PPM1H: variants seen among roughly 807,000 people sequenced by gnomAD.
PPM1H encodes the protein protein phosphatase, Mg2+/Mn2+ dependent 1H, also known as protein phosphatase 1H.
PPM1H carries 27 observed loss-of-function variants against 54.9 expected under a neutral mutation model. That is an observed-to-expected ratio of 0.49 (90% confidence interval 0.36 to 0.68). The LOEUF is 0.68. Ranked by LOEUF, PPM1H falls within the 30% of genes least tolerant of loss-of-function variation. PPM1H has a pLI of 0.00. For synonymous variants in PPM1H, 305 were observed against 270.8 expected (o/e 1.13, Z -1.24); for missense variants, 596 against 667.8 (o/e 0.89, Z 1.19).
intron 1 of PPM1H, among the ~76,000 whole-genome samples, chr12:62,932,297 C>T (rs1452193805): frequency 6.6e-6 from 1 of 152,136 alleles, no homozygotes; most frequent in Non-Finnish European, 1.5e-5. Context: ...AGCACTCTCT[C>T]ATGCGTGTCT....
At chr12:62,686,451 T>C (rs7955030) in intron 8 of PPM1H, among the ~76,000 whole-genome samples, 23,464 of 152,150 alleles carry the variant, frequency 0.15, 2,694 homozygotes, top group African/African-American at 0.32. Flanking sequence ...AATGCCTCTC[T>C]TGTAAGGGGG....
At chr12:62,905,661 G>T (rs1460631223) in intron 1 of PPM1H, among the ~76,000 whole-genome samples, 1 of 152,020 alleles carries the variant, frequency 6.6e-6, no homozygotes, top group Non-Finnish European at 1.5e-5. Context: ...ACTAGTCCTC[G>T]GTAAGACAGA....
chr12:62,768,313 T>G lies in PPM1H; in HGVS notation c.869+19913A>C, dbSNP rs140965928. On this transcript the variant is annotated intron_variant, in intron 4 of 9. Transcript: ENST00000228705. Reference sequence around the variant, plus strand: ...CATTGGGACAGAATTGAGGCTATCATGAGGGGGAAATGCAGCCAGGGAATG... The same window carrying G: ...CATTGGGACAGAATTGAGGCTATCAGGAGGGGGAAATGCAGCCAGGGAATG... Among the ~76,000 whole-genome samples, 287 of 152,046 alleles carry G rather than the reference T, an allele frequency of 1.9e-3. 1 individual carries two copies. The highest frequency in any genetic ancestry group is 6.7e-3 in the African/African-American group (278 of 41,478).
chr12:62,838,783 T>C (rs1418515721), intron 1 of PPM1H, among the ~76,000 whole-genome samples: 2 of 130,868 alleles, frequency 1.5e-5, no homozygotes, highest in East Asian at 2.2e-4. Context: ...TAGCCGGGCG[T>C]AGTGGCGGGC....
intron 4 of PPM1H, among the ~76,000 whole-genome samples, chr12:62,772,827 G>A (rs901178571): frequency 3.3e-5 from 5 of 152,146 alleles, no homozygotes; most frequent in Admixed American, 6.5e-5. Context: ...CAGTAGTAGC[G>A]GGAGGCGCCA....
In PPM1H at chr12:62,916,451, TTAAGTC is replaced by T. The variant is rs1871625208; in HGVS notation, c.245+18035_245+18040del. ...AATGTTAGGTAGAGATGGTTCATCT[TTAAGTC>T]TATAAGTACCTAACCAATGATATTT... On this transcript the variant is annotated intron_variant, in intron 1 of 9. Coordinates refer to ENST00000228705, the MANE Select transcript of PPM1H (RefSeq NM_020700.2). Among the ~76,000 whole-genome samples the T allele has an allele frequency of 2.0e-5, 3 of 152,316 alleles. No individual in the cohort carries two copies. In the South Asian group the frequency reaches 6.2e-4, roughly 32 times the overall value.
chr12:62,922,983 C>G (rs1043738056), intron 1 of PPM1H, among the ~76,000 whole-genome samples: 15 of 152,100 alleles, frequency 9.9e-5, no homozygotes, highest in African/African-American at 3.6e-4. Context: ...CCAGTTTGAC[C>G]CCATGTGAAG....
At chr12:62,855,284 C>T (rs1315464395) in intron 1 of PPM1H, among the ~76,000 whole-genome samples, 4 of 152,070 alleles carry the variant, frequency 2.6e-5, no homozygotes, top group Non-Finnish European at 5.9e-5. Context: ...CTGCTCCAAG[C>T]GACACAGACT....
In PPM1H at chr12:62,927,586, C is replaced by G. The variant is rs529693185; in HGVS notation, c.245+6906G>C. 4.0e-5 allele frequency among the ~76,000 whole-genome samples: 6 copies of G among 150,682 alleles called. No homozygotes were observed. In the South Asian group the frequency reaches 8.4e-4, roughly 21 times the overall value. ...CTGAGGCAGGAGAATCACTTGAACC[C>G]AGGAGGCAGAGGTTGCAGTAAGCCG... On this transcript the variant is annotated intron_variant, in intron 1 of 9. Transcript: ENST00000228705.
At chr12:62,887,041 C>G (rs771375017) in intron 1 of PPM1H, among the ~76,000 whole-genome samples, 2 of 151,962 alleles carry the variant, frequency 1.3e-5, no homozygotes, top group Non-Finnish European at 2.9e-5. Flanking sequence ...GAGAACTGGC[C>G]GAAGAATGAA....
chr12:62,697,615 G>A (rs2120362587), intron 6 of PPM1H, among the ~76,000 whole-genome samples: 1 of 152,170 alleles, frequency 6.6e-6, no homozygotes, highest in Middle Eastern at 3.4e-3. Context: ...CTTGTCCTTG[G>A]CTTCCTTCTT....
chr12:62,741,900 T>C (rs890421374), intron 4 of PPM1H, among the ~76,000 whole-genome samples: 3 of 152,070 alleles, frequency 2.0e-5, no homozygotes, highest in African/African-American at 7.2e-5. Flanking sequence ...CATAAGACTT[T>C]TCTTAGTAGC....
chr12:62,910,576 A>C (rs905211878), intron 1 of PPM1H, among the ~76,000 whole-genome samples: 1 of 152,176 alleles, frequency 6.6e-6, no homozygotes, highest in Admixed American at 6.5e-5. Context: ...TGTGATGACA[A>C]TTTTTAGAGA....
chr12:62,904,634 A>G (rs1871254504), intron 1 of PPM1H, among the ~76,000 whole-genome samples: 1 of 152,150 alleles, frequency 6.6e-6, no homozygotes, highest in Admixed American at 6.5e-5. Flanking sequence ...GTCAGATGCC[A>G]GGCAATGAAA....
At chr12:62,667,130 T>C (rs2075923305) in intron 9 of PPM1H, 48 bp downstream of exon 9, 1 of 1,496,072 alleles carries the variant, frequency 6.7e-7, no homozygotes, top group South Asian at 1.2e-5. Context: ...AGGCATGTCA[T>C]GGAAGAATGC....
At chr12:62,884,591 A>C (rs1354576487) in intron 1 of PPM1H, among the ~76,000 whole-genome samples, 2 of 152,146 alleles carry the variant, frequency 1.3e-5, no homozygotes, top group African/African-American at 4.8e-5. Context: ...TAAAAATAAG[A>C]GACCTATTAG....
intron 1 of PPM1H, among the ~76,000 whole-genome samples, chr12:62,843,950 T>C (rs1868854555): frequency 6.6e-6 from 1 of 152,198 alleles, no homozygotes; most frequent in African/African-American, 2.4e-5. Flanking sequence ...GTCTCCCTAA[T>C]TTACAAGGGA....
chr12:62,817,161 G>GAAAAAAAAA (rs1179706449), intron 2 of PPM1H, among the ~76,000 whole-genome samples: 1 of 75,284 alleles, frequency 1.3e-5, no homozygotes, highest in Non-Finnish European at 2.9e-5. Flanking sequence ...CTAAAAAAAA[G>GAAAAAAAAA]AAAAAAAAAA....
chr12:62,702,844 T>C (rs889303841), intron 6 of PPM1H, among the ~76,000 whole-genome samples: 1 of 152,164 alleles, frequency 6.6e-6, no homozygotes, highest in African/African-American at 2.4e-5. Context: ...CTCTCTTCCC[T>C]CCTGGCAGAG....
Sources: gnomAD v4.1 joint callset for allele counts (sites outside exome capture counted in the v4.1 genomes callset) on GRCh38, gnomAD v4.1.1 for gene constraint, MANE v1.5 for transcripts, NCBI Gene and HGNC (gene_info 2026-07-23, HGNC 2026-07-21) for gene names.